Variants in HSPA4 observed in about 807,000 individuals in gnomAD.
HSPA4 encodes the protein heat shock protein family A (Hsp70) member 4, also known as heat shock 70 kDa protein 4.
Under a neutral mutation model 106.2 loss-of-function variants are expected in HSPA4, and 25 were observed. The ratio of observed to expected loss-of-function variants is 0.24; its 90% CI spans 0.17 to 0.33. The LOEUF is 0.33. Among genes scored for constraint, HSPA4 ranks in the 10% least tolerant of loss-of-function variants. The probability of loss-of-function intolerance (pLI) is 1.00; values close to 1 mark genes in which losing one functional copy is unlikely to be tolerated. For missense variants in HSPA4, 841 were observed against 996.0 expected (o/e 0.84, Z 2.10); for synonymous variants, 332 against 333.6 (o/e 1.00, Z 0.05).
chr5:133,058,586 G>A (rs1765197162), intron 1 of HSPA4, among the ~76,000 whole-genome samples: 1 of 152,064 alleles, frequency 6.6e-6, no homozygotes, highest in Non-Finnish European at 1.5e-5. Context: ...GCTGAGGCAT[G>A]AGAATTGCTT....
At chr5:133,082,296 T>C (rs2126707199) in intron 7 of HSPA4, among the ~76,000 whole-genome samples, 1 of 152,304 alleles carries the variant, frequency 6.6e-6, no homozygotes, top group East Asian at 1.9e-4. Context: ...TTAAGGGTGA[T>C]GAAAATATTC....
intron 7 of HSPA4, among the ~76,000 whole-genome samples, chr5:133,083,145 A>C (rs1765535308): frequency 9.1e-6 from 1 of 110,076 alleles, no homozygotes; most frequent in South Asian, 2.6e-4. Flanking sequence ...AAAAAAATAC[A>C]AAAAAAAAAA....
At chr5:133,099,144 T>G (rs1388704853) in intron 15 of HSPA4, among the ~76,000 whole-genome samples, 1 of 152,066 alleles carries the variant, frequency 6.6e-6, no homozygotes, top group Non-Finnish European at 1.5e-5. Flanking sequence ...ATCTTATTTT[T>G]TTTGAAATGG....
chr5:133,095,044 G>T (rs927957447), intron 13 of HSPA4, among the ~76,000 whole-genome samples: 2 of 152,160 alleles, frequency 1.3e-5, no homozygotes, highest in African/African-American at 4.8e-5. Context: ...AGTCGCTGTG[G>T]CTCACACCTG....
intron 7 of HSPA4, among the ~76,000 whole-genome samples, chr5:133,083,357 TCTTTTC>T (rs1271071496): frequency 6.6e-6 from 1 of 152,024 alleles, no homozygotes; most frequent in African/African-American, 2.4e-5. Flanking sequence ...TTCTTAACAA[TCTTTTC>T]CTTTGCTTTT....
At position 133,092,806 on chromosome 5, in the gene HSPA4, GTTTTTTTTTTTTTTT is replaced by G. The variant is rs57230598; in HGVS notation, c.1650+35_1650+49del. On this transcript the variant is annotated intron_variant, in intron 13 of 18. Coordinates refer to ENST00000304858, the MANE Select transcript of HSPA4 (RefSeq NM_002154.4). ...GAAATGGAGGTATGCATTGGGTGGT[GTTTTTTTTTTTTTTT>G]TTTTTTTTTTTTTTTTTGAGACAGA... 9.3e-4 allele frequency: 441 copies of G among 473,882 alleles called. 1 individual carries two copies. Among genetic ancestry groups the G allele is most frequent in the South Asian group, 3.2e-3 (136 of 43,026 alleles). The allele number at this position is 473,882 out of a possible 1,614,324, so 29.4% of individuals were successfully genotyped here.
At chr5:133,058,329 C>G (rs906468062) in intron 1 of HSPA4, among the ~76,000 whole-genome samples, 27 of 152,050 alleles carry the variant, frequency 1.8e-4, no homozygotes, top group African/African-American at 6.5e-4. Flanking sequence ...TGCAGTGAGC[C>G]GTGATTGAGT....
rs1319472321 is a variant in HSPA4, at chr5:133,064,968, T to A, written c.108-12T>A. 6 of 1,611,524 alleles carry A rather than the reference T, an allele frequency of 3.7e-6. No individual in the cohort carries two copies. In the African/African-American group the frequency reaches 8.0e-5, roughly 22 times the overall value. On this transcript the variant is annotated splice_polypyrimidine_tract_variant and intron_variant, in intron 1 of 18. Coordinates refer to ENST00000304858, the MANE Select transcript of HSPA4 (RefSeq NM_002154.4). ...TAAGATTTAATTCTTAAGTGCTTTT[T>A]TTGTCTTCTAGGGCTTGCATTTCTT...
At chr5:133,070,347 C>G (rs1240304074) in intron 3 of HSPA4, 27 bp from the exon 4 acceptor site, 2 of 1,600,330 alleles carry the variant, frequency 1.2e-6, no homozygotes, top group Admixed American at 1.8e-5. Context: ...TATAATAAGT[C>G]TAGGCCCCTT....
chr5:133,099,702 C>G (rs770159175), intron 16 of HSPA4, 50 bp downstream of exon 16: 1 of 859,406 alleles, frequency 1.2e-6, no homozygotes, highest in African/African-American at 1.7e-5. Context: ...TTGAAGCTTC[C>G]TCTGAGGAGC....
chr5:133,086,698 T>C (rs1765582572), intron 7 of HSPA4, 84 bp from the exon 8 acceptor site: 2 of 937,216 alleles, frequency 2.1e-6, no homozygotes, highest in South Asian at 1.4e-5. Context: ...TTGTTACCTG[T>C]TTTTTATTAT....
chr5:133,104,304 A>G lies in HSPA4; in HGVS notation c.2391A>G (p.Gln797=), dbSNP rs1334559982. The G allele has an allele frequency of 2.5e-6, 4 of 1,614,224 alleles. No homozygotes were observed. Among genetic ancestry groups the G allele is most frequent in the Non-Finnish European group, 2.5e-6 (3 of 1,180,036 alleles). ...KPKVEPPKEE[Q]KNAEQNGPVD... ...AAGTGGAACCTCCAAAAGAGGAACAAAAAAATGCAGAGCAGAATGGACCAG... is the reference window on the plus strand; with the variant it reads ...AAGTGGAACCTCCAAAAGAGGAACAGAAAAATGCAGAGCAGAATGGACCAG... The change falls in exon 19 of 19, where the codon CAA becomes CAG. Residue 797 remains glutamine, a synonymous_variant. Coordinates refer to ENST00000304858, the MANE Select transcript of HSPA4 (RefSeq NM_002154.4).
chr5:133,097,925 T>A lies in HSPA4; in HGVS notation c.1929+639T>A, dbSNP rs1327715446. ...CAGAATTTTTAGTTTTTTTTTTTTT[T>A]TAATTTGAATAGCTCTTGGGTACAG... On this transcript the variant is annotated intron_variant, in intron 15 of 18. Transcript: ENST00000304858. Among the ~76,000 whole-genome samples, 4 of 151,254 alleles carry A rather than the reference T, an allele frequency of 2.6e-5. 1 individual carries two copies. The highest frequency in any genetic ancestry group is 2.9e-5 in the Non-Finnish European group (2 of 67,930).
rs750230583 is a variant in HSPA4, at chr5:133,096,052, G to C, written c.1651-46G>C. ...CAACATGACTCATTTTGAAGTTTAA[G>C]GTAGTCTGTATATGTGTTTGTTCTT... On this transcript the variant is annotated intron_variant, in intron 13 of 18. Transcript: ENST00000304858. The C allele has an allele frequency of 3.9e-6, 6 of 1,522,302 alleles. No individual in the cohort carries two copies. In the East Asian group the frequency reaches 1.4e-4, roughly 36 times the overall value. The allele number at this position is 1,522,302 out of a possible 1,614,324, so 94.3% of individuals were successfully genotyped here.
In HSPA4 at chr5:133,104,540, C is replaced by T; in HGVS notation, c.*104C>T. ...AAGTGAATACTGAAGATTTCTTAGT[C>T]AGTTTTTAGGGGATTTTCGGGGAGG... On this transcript the variant is annotated 3_prime_UTR_variant, in exon 19 of 19. Coordinates refer to ENST00000304858, the MANE Select transcript of HSPA4 (RefSeq NM_002154.4). 9.3e-7 allele frequency: 1 copy of T among 1,072,814 alleles called. No homozygotes were observed. Among genetic ancestry groups the T allele is most frequent in the Non-Finnish European group, 1.4e-6 (1 of 732,842 alleles). 66.5% of individuals were successfully genotyped at this position (1,072,814 alleles called of 1,614,324 possible).
At chr5:133,091,414 G>T in intron 12 of HSPA4, 40 bp downstream of exon 12, 2 of 1,499,090 alleles carry the variant, frequency 1.3e-6, no homozygotes, top group Non-Finnish European at 1.8e-6. Flanking sequence ...TGGCCCAGAG[G>T]TGACTTGTCT....
chr5:133,064,244 G>T lies in HSPA4; in HGVS notation c.108-736G>T, dbSNP rs144784117. The stretch of plus-strand genomic sequence containing the variant: ...GTCCTGGCCAGGTGCGGTGGCTCAC[G>T]CCTATAACGTCAGCATTTTGGGAGT... On this transcript the variant is annotated intron_variant, in intron 1 of 18. Coordinates refer to ENST00000304858, the MANE Select transcript of HSPA4 (RefSeq NM_002154.4). Among the ~76,000 whole-genome samples the T allele has an allele frequency of 2.1e-3, 314 of 152,304 alleles. 2 individuals carry two copies. The highest frequency in any genetic ancestry group is 7.2e-3 in the African/African-American group (299 of 41,556).
chr5:133,078,374 C>T (rs1199065780), intron 7 of HSPA4, among the ~76,000 whole-genome samples: 1 of 151,680 alleles, frequency 6.6e-6, no homozygotes, highest in Non-Finnish European at 1.5e-5. Context: ...GGCATGGTGG[C>T]TCACTCCTGT....
rs57230598 is a variant in HSPA4 at position 133,092,806 on chromosome 5, G to GTT, written c.1650+48_1650+49dup. 1,296 of 472,874 alleles carry GTT rather than the reference G, an allele frequency of 2.7e-3. 18 individuals are homozygous for GTT. The highest frequency in any genetic ancestry group is 5.9e-3 in the South Asian group (255 of 42,926). The allele number at this position is 472,874 out of a possible 1,614,324, so 29.3% of individuals were successfully genotyped here. On this transcript the variant is annotated intron_variant, in intron 13 of 18. Transcript: ENST00000304858. ...GAAATGGAGGTATGCATTGGGTGGT[G>GTT]TTTTTTTTTTTTTTTTTTTTTTTTT...
Sources: allele counts gnomAD v4.1 joint callset (sites outside exome capture counted in the v4.1 genomes callset), GRCh38; gene constraint gnomAD v4.1.1; transcripts MANE v1.5; gene names NCBI Gene and HGNC (gene_info 2026-07-23, HGNC 2026-07-21).